Variants in ZNF254 observed in about 807,000 individuals in gnomAD.
ZNF254 encodes the protein zinc finger protein 254, also known as CTD-2017D11.1.
A neutral mutation model predicts 12.4 loss-of-function variants in ZNF254; 10 were observed. The observed-to-expected ratio is 0.80, with a 90% confidence interval of 0.50 to 1.36. The LOEUF (loss-of-function observed/expected upper bound fraction) is 1.36, where lower values mean the gene tolerates loss of function less well. Ranked by LOEUF, ZNF254 falls within the 40% of genes most tolerant of loss-of-function variation. The pLI is 0.00. For missense variants in ZNF254, 996 were observed against 763.9 expected (o/e 1.30, Z -3.58); for synonymous variants, 305 against 253.4 (o/e 1.20, Z -1.93).
At chr19:24,087,528 C>T (rs769518404) in intron 1 of ZNF254, among the ~76,000 whole-genome samples, 191 bp downstream of exon 1, 3 of 152,170 alleles carry the variant, frequency 2.0e-5, no homozygotes, top group African/African-American at 4.8e-5. Context: ...TGTTTCTTCC[C>T]TGCGCAGTGA....
intron 1 of ZNF254, among the ~76,000 whole-genome samples, chr19:24,103,518 T>C (rs1486873743): frequency 6.6e-6 from 1 of 152,324 alleles, no homozygotes; most frequent in East Asian, 1.9e-4. Context: ...TTGTGCCCTT[T>C]TCACAGTTTC....
chr19:24,117,889 T>G (rs1336235684), intron 3 of ZNF254, among the ~76,000 whole-genome samples: 4 of 152,020 alleles, frequency 2.6e-5, no homozygotes, highest in African/African-American at 9.7e-5. Flanking sequence ...CTATCATACA[T>G]GTCTTCAAGG....
At chr19:24,043,445 AG>A (rs1469842481) in intron 1 of ZNF254, among the ~76,000 whole-genome samples, 1 of 152,056 alleles carries the variant, frequency 6.6e-6, no homozygotes, top group Non-Finnish European at 1.5e-5. Context: ...TATTTTTACT[AG>A]AGACGGCATT....
intron 2 of ZNF254, among the ~76,000 whole-genome samples, chr19:24,075,228 G>A (rs1971616606): frequency 6.6e-6 from 1 of 152,066 alleles, no homozygotes; most frequent in South Asian, 2.1e-4. Context: ...GGGGGAGGGG[G>A]TCTCACATAT....
At chr19:24,048,228 G>A (rs141263767) in intron 2 of ZNF254, among the ~76,000 whole-genome samples, 1 of 152,038 alleles carries the variant, frequency 6.6e-6, no homozygotes, top group African/African-American at 2.4e-5. Flanking sequence ...GTTGATCAGA[G>A]ATTCAAAGCT....
chr19:24,117,717 G>T (rs896957910), intron 3 of ZNF254, among the ~76,000 whole-genome samples: 49 of 152,078 alleles, frequency 3.2e-4, no homozygotes, highest in African/African-American at 1.2e-3. Flanking sequence ...TGCGCCCACT[G>T]TCTGTCACTC....
At chr19:24,118,238 C>T (rs1042118029) in intron 3 of ZNF254, among the ~76,000 whole-genome samples, 25 of 151,644 alleles carry the variant, frequency 1.6e-4, no homozygotes, top group African/African-American at 6.1e-4. Flanking sequence ...ATTTTTAGTA[C>T]AGATGGGGTT....
intron 3 of ZNF254, among the ~76,000 whole-genome samples, chr19:24,108,274 A>ACC (rs756555883): frequency 3.3e-5 from 5 of 151,858 alleles, no homozygotes; most frequent in Admixed American, 3.3e-4. Flanking sequence ...GAAAGGCAGG[A>ACC]CCCCCCCAGA....
At chr19:24,051,908 T>C (rs1307546928) in intron 2 of ZNF254, among the ~76,000 whole-genome samples, 1 of 152,210 alleles carries the variant, frequency 6.6e-6, no homozygotes, top group Non-Finnish European at 1.5e-5. Context: ...TGTGATTCTT[T>C]TATTTTCCTG....
At chr19:24,038,926 G>C (rs67381910) in intron 1 of ZNF254, among the ~76,000 whole-genome samples, 24,157 of 152,192 alleles carry the variant, frequency 0.16, 2,096 homozygotes, top group Middle Eastern at 0.23. Flanking sequence ...CATTTGCATT[G>C]AGTAAGCCTG....
At chr19:24,080,363 A>C (rs532083305) in intron 2 of ZNF254, 3 of 152,182 alleles carry the variant, frequency 2.0e-5, no homozygotes, top group African/African-American at 7.2e-5. Context: ...TGACCACTGG[A>C]AGAGGGTTTG....
intron 3 of ZNF254, among the ~76,000 whole-genome samples, chr19:24,114,551 G>A (rs1424179550): frequency 1.4e-4 from 17 of 119,660 alleles, no homozygotes; most frequent in African/African-American, 4.3e-4. Flanking sequence ...AGACTTAAAC[G>A]TTAGACCTAA....
intron 2 of ZNF254, among the ~76,000 whole-genome samples, chr19:24,049,215 T>TA (rs1491192531): frequency 0.074 from 1,918 of 26,070 alleles, 16 homozygotes; most frequent in Non-Finnish European, 0.11. Flanking sequence ...TATATATATA[T>TA]TTTTTTTTTT....
Position 24,127,285 on chromosome 19 carries a change from A to G in ZNF254, c.1285A>G (p.Thr429Ala), listed in dbSNP as rs746074407. 1.2e-6 allele frequency: 2 copies of G among 1,613,514 alleles called. No individual in the cohort carries two copies. Among genetic ancestry groups the G allele is most frequent in the African/African-American group, 2.7e-5 (2 of 74,882 alleles). The change falls in exon 4 of 4, where the codon ACT becomes GCT. Residue 429 changes from threonine (T) to alanine (A), a missense_variant. Transcript: ENST00000357002. The stretch of plus-strand genomic sequence containing the variant: ...TCTTACTACACATAAGATAATTCAT[A>G]CTGGAGAGAAACCTTACAAGTGTGA... ...SNLTTHKIIH[T>A]GEKPYKCEEC... is the part of the protein sequence containing the mutation.
intron 3 of ZNF254, among the ~76,000 whole-genome samples, chr19:24,113,874 ATTC>A (rs1973864534): frequency 6.6e-6 from 1 of 152,234 alleles, no homozygotes; most frequent in Admixed American, 6.5e-5. Context: ...AATCACAAGC[ATTC>A]TTATACACCA....
chr19:24,124,300 T>C (rs1974684372), intron 3 of ZNF254, among the ~76,000 whole-genome samples: 1 of 152,176 alleles, frequency 6.6e-6, no homozygotes, highest in Non-Finnish European at 1.5e-5. Context: ...TTTTATATTG[T>C]ATATTCATTA....
At chr19:24,113,252 C>A (rs1167901138) in intron 3 of ZNF254, among the ~76,000 whole-genome samples, 1 of 152,146 alleles carries the variant, frequency 6.6e-6, no homozygotes, top group Non-Finnish European at 1.5e-5. Flanking sequence ...AGACCAATAT[C>A]CTTGATGAAC....
Position 24,126,546 on chromosome 19 carries a change from C to G in ZNF254, c.546C>G (p.Phe182Leu), listed in dbSNP as rs752612869. The G allele has an allele frequency of 2.5e-6, 4 of 1,602,262 alleles. No homozygotes were observed. The South Asian group carries it at 4.5e-5, about 18-fold the overall frequency. ...PKIRHTEKKSFKCKKRVKLFC... is the reference protein window; with the variant it reads ...PKIRHTEKKSLKCKKRVKLFC... The stretch of plus-strand genomic sequence containing the variant: ...TAAGACATACTGAAAAGAAATCTTT[C>G]AAATGTAAAAAACGTGTCAAATTAT... Residue 182 changes from phenylalanine to leucine, a missense_variant, in exon 4 of 4, where the codon TTC becomes TTG. Physicochemically the swap from Phe to Leu is conservative, Grantham distance 22. Transcript: ENST00000357002.
Position 24,087,224 on chromosome 19 carries a change from T to C in ZNF254, c.-84T>C, listed in dbSNP as rs1224149241. 1 of 1,591,040 alleles carries C rather than the reference T, an allele frequency of 6.3e-7. No homozygotes were observed. Among genetic ancestry groups the C allele is most frequent in the East Asian group, 2.2e-5 (1 of 44,584 alleles). On this transcript the variant is annotated 5_prime_UTR_variant, in exon 1 of 4. Coordinates refer to ENST00000357002, the MANE Select transcript of ZNF254 (RefSeq NM_203282.4). ...CGCTGTCGCCGGAGTCCCAGGTCTG[T>C]CTTCACTGCTCTGTGTCCTCTGCTC...
Sources: allele counts gnomAD v4.1 joint callset (sites outside exome capture counted in the v4.1 genomes callset), GRCh38; gene constraint gnomAD v4.1.1; transcripts MANE v1.5; gene names NCBI Gene and HGNC (gene_info 2026-07-23, HGNC 2026-07-21).